The following KCNH1 variants were observed in gnomAD, a reference collection of about 807,000 sequenced individuals.
The protein encoded by KCNH1 is potassium voltage-gated channel subfamily H member 1.
In KCNH1, 27 loss-of-function variants were observed where a neutral mutation model predicts 69.2. That is an observed-to-expected ratio of 0.39 (90% CI 0.29 to 0.54). The LOEUF is 0.54. Among genes scored for constraint, KCNH1 ranks in the 20% least tolerant of loss-of-function variants. KCNH1 has a pLI of 0.68. For missense variants in KCNH1, 798 were observed against 1,261.6 expected (o/e 0.63, Z 5.57); for synonymous variants, 456 against 487.7 (o/e 0.93, Z 0.86).
chr1:210,865,547 T>C (rs569586031), intron 7 of KCNH1, among the ~76,000 whole-genome samples: 2 of 152,318 alleles, frequency 1.3e-5, no homozygotes, highest in South Asian at 4.1e-4. Flanking sequence ...GTTCATTTGA[T>C]GCCTAAATGT....
intron 7 of KCNH1, among the ~76,000 whole-genome samples, chr1:210,899,133 G>C (rs1282833145): frequency 6.6e-6 from 1 of 152,134 alleles, no homozygotes. Flanking sequence ...ACCCTTTCAG[G>C]GGTCCTTACA....
At chr1:210,912,128 G>A (rs907886768) in intron 7 of KCNH1, among the ~76,000 whole-genome samples, 1 of 152,092 alleles carries the variant, frequency 6.6e-6, no homozygotes, top group African/African-American at 2.4e-5. Flanking sequence ...TGCAAAACAG[G>A]GATAAGAAAG....
At chr1:210,983,687 G>C (rs1167638547) in intron 6 of KCNH1, among the ~76,000 whole-genome samples, 1 of 152,172 alleles carries the variant, frequency 6.6e-6, no homozygotes, top group Admixed American at 6.5e-5. Context: ...TTGTAGTGTA[G>C]TTTGAAGTCA....
chr1:211,075,320 A>G (rs971798079), intron 5 of KCNH1, among the ~76,000 whole-genome samples: 5 of 152,232 alleles, frequency 3.3e-5, no homozygotes, highest in African/African-American at 9.6e-5. Context: ...TCTGGTTACT[A>G]CAAGGAGATC....
intron 5 of KCNH1, among the ~76,000 whole-genome samples, chr1:211,072,076 G>A (rs1690654658): frequency 1.3e-5 from 2 of 152,194 alleles, no homozygotes; most frequent in Non-Finnish European, 2.9e-5. Flanking sequence ...AGGAGTTCAA[G>A]ACCAGCCTGG....
At chr1:210,996,370 G>A (rs1352725950) in intron 6 of KCNH1, among the ~76,000 whole-genome samples, 6 of 152,160 alleles carry the variant, frequency 3.9e-5, no homozygotes, top group African/African-American at 1.4e-4. Flanking sequence ...CTACGCCCAT[G>A]GAGTCTCGCT....
At chr1:211,107,855 C>G (rs1433649694) in intron 1 of KCNH1, among the ~76,000 whole-genome samples, 1 of 152,206 alleles carries the variant, frequency 6.6e-6, no homozygotes, top group Non-Finnish European at 1.5e-5. Context: ...AGGAGGGCAT[C>G]TCAGGAAGGC....
intron 4 of KCNH1, among the ~76,000 whole-genome samples, chr1:211,087,001 T>C (rs1474386610): frequency 1.3e-5 from 2 of 152,148 alleles, no homozygotes; most frequent in Non-Finnish European, 2.9e-5. Context: ...AATGGCTTCC[T>C]CAAGTAGCAG....
chr1:210,947,521 G>A lies in KCNH1; in HGVS notation c.1033-27452C>T, dbSNP rs1245007575. Among the ~76,000 whole-genome samples, 3 of 151,000 alleles carry A rather than the reference G, an allele frequency of 2.0e-5. No homozygotes were observed. The East Asian group carries it at 5.8e-4, about 29-fold the overall frequency. On this transcript the variant is annotated intron_variant, in intron 6 of 10. Coordinates refer to ENST00000271751, the MANE Select transcript of KCNH1 (RefSeq NM_172362.3). ...ACCTGGGGGGCGGAGCTTGCAGTGAGCAGAGATCACGCCACTGCACTCCAA... is the reference window on the plus strand; with the variant it reads ...ACCTGGGGGGCGGAGCTTGCAGTGAACAGAGATCACGCCACTGCACTCCAA...
intron 5 of KCNH1, among the ~76,000 whole-genome samples, chr1:211,028,221 C>T (rs1249993590): frequency 6.6e-6 from 1 of 151,962 alleles, no homozygotes; most frequent in East Asian, 1.9e-4. Flanking sequence ...TATCACACTT[C>T]TAAATAATCC....
chr1:210,929,395 T>C (rs552179372), intron 6 of KCNH1, among the ~76,000 whole-genome samples: 2 of 152,262 alleles, frequency 1.3e-5, no homozygotes, highest in East Asian at 3.9e-4. Flanking sequence ...ATAAATGTGA[T>C]ACACCACATA....
At position 211,004,141 on chromosome 1, in the gene KCNH1, C is replaced by T. The variant is rs567808341; in HGVS notation, c.1032+14642G>A. Among the ~76,000 whole-genome samples the T allele has an allele frequency of 3.3e-5, 5 of 152,128 alleles. No homozygotes were observed. The South Asian group carries it at 1.0e-3, about 32-fold the overall frequency. Reference sequence around the variant, plus strand: ...TAATAAGCAATCATGAATCCAATCACACCAGTGCAAATATCTTTCAAGAAT... The same window carrying T: ...TAATAAGCAATCATGAATCCAATCATACCAGTGCAAATATCTTTCAAGAAT... On this transcript the variant is annotated intron_variant, in intron 6 of 10. Transcript: ENST00000271751.
At chr1:211,066,699 A>G (rs562963119) in intron 5 of KCNH1, among the ~76,000 whole-genome samples, 17 of 152,332 alleles carry the variant, frequency 1.1e-4, no homozygotes, top group Non-Finnish European at 2.5e-4. Context: ...CAAGAGAAGA[A>G]AGAGGAGGAA....
At chr1:211,130,394 T>C (rs1023194724) in intron 1 of KCNH1, among the ~76,000 whole-genome samples, 4 of 152,188 alleles carry the variant, frequency 2.6e-5, no homozygotes, top group African/African-American at 9.6e-5. Context: ...GTTTTTTAAA[T>C]ACAGTGACAG....
intron 10 of KCNH1, among the ~76,000 whole-genome samples, chr1:210,718,439 TA>T (rs1337655252): frequency 1.3e-4 from 1 of 7,928 alleles, no homozygotes. Flanking sequence ...TACATATATG[TA>T]TATATATAAA....
chr1:210,830,557 GGAA>G (rs1685136563), intron 7 of KCNH1, among the ~76,000 whole-genome samples: 1 of 151,906 alleles, frequency 6.6e-6, no homozygotes, highest in African/African-American at 2.4e-5. Flanking sequence ...AGAAAGGAGA[GGAA>G]GAAGAAAAGA....
intron 10 of KCNH1, among the ~76,000 whole-genome samples, chr1:210,753,972 C>T (rs752065217): frequency 6.6e-5 from 10 of 150,600 alleles, no homozygotes; most frequent in Admixed American, 2.0e-4. Flanking sequence ...TGGACTGCAG[C>T]GGCGCTATCT....
chr1:210,993,172 T>G (rs1293928691), intron 6 of KCNH1, among the ~76,000 whole-genome samples: 1 of 152,236 alleles, frequency 6.6e-6, no homozygotes, highest in East Asian at 1.9e-4. Context: ...CTATTTTAAG[T>G]TACTTTGATT....
intron 6 of KCNH1, among the ~76,000 whole-genome samples, chr1:210,995,754 C>G (rs548956812): frequency 6.6e-6 from 1 of 152,250 alleles, no homozygotes; most frequent in South Asian, 2.1e-4. Flanking sequence ...ACAGTCAGGC[C>G]AACAGAGATT....
Sources: gnomAD v4.1 joint callset for allele counts (sites outside exome capture counted in the v4.1 genomes callset) on GRCh38, gnomAD v4.1.1 for gene constraint, MANE v1.5 for transcripts, NCBI Gene and HGNC (gene_info 2026-07-23, HGNC 2026-07-21) for gene names.